ROBO2: variants seen among roughly 807,000 people sequenced by gnomAD.
ROBO2 encodes roundabout guidance receptor 2, also known as roundabout homolog 2.
A neutral mutation model predicts 160.8 loss-of-function variants in ROBO2; 53 were observed. The observed-to-expected ratio is 0.33, with a 90% CI of 0.26 to 0.41. ROBO2 has a LOEUF of 0.41. Ranked by LOEUF, ROBO2 falls within the 10% of genes least tolerant of loss-of-function variation. The pLI is 1.00. For synonymous variants in ROBO2, 664 were observed against 611.7 expected (o/e 1.09, Z -1.26); for missense variants, 1,577 against 1,722.4 (o/e 0.92, Z 1.49).
At chr3:76,882,598 C>T (rs2073466427) in intron 2 of ROBO2, among the ~76,000 whole-genome samples, 1 of 151,844 alleles carries the variant, frequency 6.6e-6, no homozygotes, top group African/African-American at 2.4e-5. Flanking sequence ...GCATACTCAA[C>T]AAAAAATACT....
chr3:77,238,524 A>T (rs2088439206), intron 2 of ROBO2, among the ~76,000 whole-genome samples: 1 of 152,078 alleles, frequency 6.6e-6, no homozygotes, highest in African/African-American at 2.4e-5. Flanking sequence ...ATGATTTAAA[A>T]TTTTCTTAAT....
chr3:77,577,033 T>C (rs889996892), intron 14 of ROBO2, among the ~76,000 whole-genome samples: 2 of 152,118 alleles, frequency 1.3e-5, no homozygotes, highest in Admixed American at 6.6e-5. Flanking sequence ...TATGGTTGTT[T>C]TTAGAAAGAC....
chr3:76,364,927 T>C (rs2075726465), intron 2 of ROBO2, among the ~76,000 whole-genome samples: 1 of 152,084 alleles, frequency 6.6e-6, no homozygotes, highest in African/African-American at 2.4e-5. Context: ...TCTCTACCTG[T>C]TTTCCTATAA....
intron 2 of ROBO2, among the ~76,000 whole-genome samples, chr3:76,232,240 C>T (rs969940103): frequency 2.0e-5 from 3 of 152,108 alleles, no homozygotes; most frequent in African/African-American, 7.2e-5. Context: ...TTTTAAGCAT[C>T]TCAGTATATA....
At chr3:76,636,789 A>G (rs1321264776) in intron 2 of ROBO2, among the ~76,000 whole-genome samples, 1 of 152,132 alleles carries the variant, frequency 6.6e-6, no homozygotes, top group Non-Finnish European at 1.5e-5. Flanking sequence ...TGTTGTTTAT[A>G]GATCATAGGA....
chr3:77,296,232 C>G (rs1169735858), intron 2 of ROBO2, among the ~76,000 whole-genome samples: 1 of 150,924 alleles, frequency 6.6e-6, no homozygotes, highest in Non-Finnish European at 1.5e-5. Context: ...GAGGCTAGAA[C>G]AGTAAAGACA....
chr3:76,526,215 G>C (rs963612162), intron 2 of ROBO2, among the ~76,000 whole-genome samples: 2 of 152,004 alleles, frequency 1.3e-5, no homozygotes, highest in Admixed American at 6.6e-5. Flanking sequence ...AAGCATAGCG[G>C]GGCCAGGGTT....
chr3:76,444,842 T>A (rs2077092163), intron 2 of ROBO2, among the ~76,000 whole-genome samples: 1 of 152,216 alleles, frequency 6.6e-6, no homozygotes, highest in Non-Finnish European at 1.5e-5. Flanking sequence ...ACTCAAAATA[T>A]ATGGGGAACA....
At chr3:77,273,376 A>G (rs1173948948) in intron 2 of ROBO2, among the ~76,000 whole-genome samples, 6 of 152,084 alleles carry the variant, frequency 3.9e-5, no homozygotes, top group Non-Finnish European at 7.4e-5. Flanking sequence ...TGTCAGACAA[A>G]CTCAAGCATG....
intron 2 of ROBO2, among the ~76,000 whole-genome samples, chr3:76,929,669 G>C (rs564938260): frequency 6.6e-6 from 1 of 152,198 alleles, no homozygotes; most frequent in Non-Finnish European, 1.5e-5. Context: ...GCATCTCAGG[G>C]AAGAAGAGAC....
chr3:77,503,395 G>A (rs1038623441), intron 5 of ROBO2, among the ~76,000 whole-genome samples: 31 of 151,088 alleles, frequency 2.1e-4, no homozygotes, highest in African/African-American at 7.5e-4. Context: ...CGTGGTGGCG[G>A]CGCCTGTAGT....
In ROBO2 at chr3:76,618,246, C is replaced by T. The variant is rs917338249; in HGVS notation, c.110-479768C>T. 2.4e-4 allele frequency among the ~76,000 whole-genome samples: 37 copies of T among 151,480 alleles called. 1 individual carries two copies. Among genetic ancestry groups the T allele is most frequent in the African/African-American group, 9.0e-4 (37 of 41,020 alleles). ...TGAGGTCATAAATGGAAAAGTATTACCCCATGCTTGGCATGTTGTAAATGC... is the reference window on the plus strand; with the variant it reads ...TGAGGTCATAAATGGAAAAGTATTATCCCATGCTTGGCATGTTGTAAATGC... On this transcript the variant is annotated intron_variant, in intron 2 of 26. Transcript: ENST00000487694.
intron 2 of ROBO2, among the ~76,000 whole-genome samples, chr3:77,126,450 A>C (rs927658362): frequency 1.3e-5 from 2 of 152,206 alleles, no homozygotes; most frequent in African/African-American, 4.8e-5. Flanking sequence ...ACTGGATTAA[A>C]AAGATTATCC....
At chr3:76,887,874 A>G (rs1019012604) in intron 2 of ROBO2, among the ~76,000 whole-genome samples, 6 of 152,164 alleles carry the variant, frequency 3.9e-5, no homozygotes, top group African/African-American at 1.4e-4. Flanking sequence ...GGAATAATTC[A>G]TTACCTGGGA....
At chr3:76,169,849 T>A (rs1365849629) in intron 2 of ROBO2, among the ~76,000 whole-genome samples, 1 of 152,100 alleles carries the variant, frequency 6.6e-6, no homozygotes, top group Admixed American at 6.6e-5. Flanking sequence ...TGGCATGAAC[T>A]CAGCTCACTG....
chr3:75,921,237 ATC>A (rs1320163800), intron 1 of ROBO2, among the ~76,000 whole-genome samples: 4 of 151,780 alleles, frequency 2.6e-5, no homozygotes, highest in Admixed American at 2.6e-4. Flanking sequence ...TGGTGACTAA[ATC>A]TCTCAGCATC....
chr3:76,016,077 A>G (rs545291817), intron 2 of ROBO2, among the ~76,000 whole-genome samples: 4 of 152,286 alleles, frequency 2.6e-5, no homozygotes, highest in South Asian at 4.1e-4. Flanking sequence ...AGAATAGCCA[A>G]TATGGGGTAC....
intron 2 of ROBO2, among the ~76,000 whole-genome samples, chr3:76,474,897 T>G (rs2078850988): frequency 6.6e-6 from 1 of 152,056 alleles, no homozygotes; most frequent in Non-Finnish European, 1.5e-5. Flanking sequence ...GTCTTCCTCT[T>G]AGAATCCACA....
At chr3:76,922,648 G>T (rs944428479) in intron 2 of ROBO2, among the ~76,000 whole-genome samples, 21 of 152,138 alleles carry the variant, frequency 1.4e-4, no homozygotes, top group Non-Finnish European at 5.9e-5. Flanking sequence ...CGACCCTGGG[G>T]TACTTGGAAT....
Sources: allele counts gnomAD v4.1 joint callset (sites outside exome capture counted in the v4.1 genomes callset), GRCh38; gene constraint gnomAD v4.1.1; transcripts MANE v1.5; gene names NCBI Gene and HGNC (gene_info 2026-07-23, HGNC 2026-07-21).